The following KCP variants were observed in gnomAD, a reference collection of about 807,000 sequenced individuals.
KCP encodes kielin cysteine rich BMP regulator, also known as kielin/chordin-like protein.
In KCP, 194 loss-of-function variants were observed where a neutral mutation model predicts 212.7. The observed-to-expected ratio is 0.91, with a 90% CI of 0.81 to 1.03. KCP has a LOEUF of 1.03. Among genes scored for constraint, KCP ranks in the 50% least tolerant of loss-of-function variants. The probability of loss-of-function intolerance (pLI) is 0.00; values close to 1 mark genes in which losing one functional copy is unlikely to be tolerated. For synonymous variants in KCP, 833 were observed against 865.3 expected (o/e 0.96, Z 0.65); for missense variants, 2,080 against 2,162.5 (o/e 0.96, Z 0.76).
chr7:128,901,534 G>A (rs1794843587), intron 8 of KCP, among the ~76,000 whole-genome samples: 1 of 152,070 alleles, frequency 6.6e-6, no homozygotes, highest in African/African-American at 2.4e-5. Flanking sequence ...ACGGAGGCAG[G>A]AGAATGGCGT....
Position 128,890,771 on chromosome 7 carries a change from C to T in KCP, c.2164+134G>A, listed in dbSNP as rs918700347. 9.6e-5 allele frequency: 87 copies of T among 901,788 alleles called. No individual in the cohort carries two copies. The African/African-American group carries it at 1.4e-3, about 14-fold the overall frequency. The allele number at this position is 901,788 out of a possible 1,614,324, so 55.9% of individuals were successfully genotyped here. On this transcript the variant is annotated intron_variant, in intron 20 of 39. Coordinates refer to ENST00000610776, the MANE Select transcript of KCP (RefSeq NM_001366122.1). ...CGGCTGGCTCCCAGGCCATGCTGAC[C>T]GGACACTACATTCCTAACAAGATCC...
At chr7:128,883,233 G>A (rs977414765) in intron 29 of KCP, among the ~76,000 whole-genome samples, 4 of 151,078 alleles carry the variant, frequency 2.6e-5, no homozygotes, top group East Asian at 3.9e-4. Context: ...TCTGCCTCCC[G>A]GGTTCAAGCT....
chr7:128,880,554 C>A, intron 33 of KCP, 26 bp from the exon 34 acceptor site: 1 of 1,394,378 alleles, frequency 7.2e-7, no homozygotes. Flanking sequence ...CTGGGAGGGT[C>A]AGCTGCTCCT....
At chr7:128,883,332 G>C (rs548817764) in intron 29 of KCP, among the ~76,000 whole-genome samples, 58 of 151,990 alleles carry the variant, frequency 3.8e-4, no homozygotes, top group Non-Finnish European at 7.4e-4. Context: ...TAGAGACGGG[G>C]TTTCACCATG....
intron 2 of KCP, among the ~76,000 whole-genome samples, chr7:128,907,732 A>C (rs2128950960): frequency 6.6e-6 from 1 of 152,322 alleles, no homozygotes; most frequent in African/African-American, 2.4e-5. Context: ...CCTTATATAG[A>C]ATGCATTCCA....
intron 21 of KCP, among the ~76,000 whole-genome samples, chr7:128,889,480 A>G (rs1220206990): frequency 1.3e-5 from 2 of 152,230 alleles, no homozygotes; most frequent in Non-Finnish European, 2.9e-5. Flanking sequence ...GGGTGGTGAC[A>G]GCCCGCTCTT....
intron 1 of KCP, among the ~76,000 whole-genome samples, chr7:128,909,582 A>G (rs990197237): frequency 3.3e-5 from 5 of 152,004 alleles, no homozygotes; most frequent in Non-Finnish European, 7.4e-5. Context: ...GTTGTCCCCT[A>G]ATACATCCCC....
chr7:128,891,039 T>A lies in KCP; in HGVS notation c.2030A>T (p.Glu677Val). The A allele has an allele frequency of 4.4e-6, 6 of 1,372,382 alleles. No homozygotes were observed. Among genetic ancestry groups the A allele is most frequent in the Non-Finnish European group, 4.7e-6 (5 of 1,069,254 alleles). 85.0% of individuals were successfully genotyped at this position (1,372,382 alleles called of 1,614,324 possible). Residue 677 changes from glutamate (E) to valine (V), a missense_variant, in exon 20 of 40, where the codon GAG (glutamate) becomes GTG (valine). Coordinates refer to ENST00000610776, the MANE Select transcript of KCP (RefSeq NM_001366122.1). ...RPGAAHARHQ[E>V]YFSPPGDPCR... ...GGGATCGCCGGGCGGGGAGAAGTAC[T>A]CCTGGTGGCGGGCGTGGGCCGCGCC...
chr7:128,890,323 C>G lies in KCP; in HGVS notation c.2335+20G>C. ...TCTCCCGCATCCCACCCCGGCAGCT[C>G]CCTATCCCATGACCCTCACCATCAC... is the stretch of plus-strand genomic sequence containing the variant. On this transcript the variant is annotated intron_variant, in intron 21 of 39. Coordinates refer to ENST00000610776, the MANE Select transcript of KCP (RefSeq NM_001366122.1). The G allele has an allele frequency of 1.3e-6, 2 of 1,551,576 alleles. No individual in the cohort carries two copies. The highest frequency in any genetic ancestry group is 1.7e-6 in the Non-Finnish European group (2 of 1,146,998).
chr7:128,883,169 C>A (rs1793435488), intron 29 of KCP, among the ~76,000 whole-genome samples: 1 of 147,822 alleles, frequency 6.8e-6, no homozygotes, highest in African/African-American at 2.5e-5. Flanking sequence ...GAGACAGAAT[C>A]TCGCTCTGTT....
chr7:128,882,685 G>A (rs763006725), intron 29 of KCP, among the ~76,000 whole-genome samples: 5 of 152,086 alleles, frequency 3.3e-5, no homozygotes, highest in Admixed American at 2.6e-4. Context: ...CATTATGAAC[G>A]TATTTAATAC....
At chr7:128,886,141 C>T (rs1026387812) in intron 26 of KCP, among the ~76,000 whole-genome samples, 3 of 152,184 alleles carry the variant, frequency 2.0e-5, no homozygotes, top group Non-Finnish European at 4.4e-5. Flanking sequence ...AAATGCAGCT[C>T]ACTGCAGCCT....
Position 128,893,237 on chromosome 7 carries a change from C to A in KCP, c.1267+1G>T. 1 of 1,551,070 alleles carries A rather than the reference C, an allele frequency of 6.4e-7. No individual in the cohort carries two copies. The highest frequency in any genetic ancestry group is 1.2e-5 in the South Asian group (1 of 84,044). ...GCTGCTCCTCCCCCTCTCACACACA[C>A]CTGGGCAGAGCTGGCGGCCAGAGGC... On this transcript the variant is annotated splice_donor_variant, in intron 13 of 39. Transcript: ENST00000610776. LOFTEE classifies it high-confidence loss of function.
chr7:128,893,702 C>T, intron 11 of KCP, 104 bp downstream of exon 11: 1 of 1,275,476 alleles, frequency 7.8e-7, no homozygotes, highest in Non-Finnish European at 1.1e-6. Flanking sequence ...ACTTTGGGAA[C>T]AGGGTAACAG....
At chr7:128,884,268 C>T (rs1793509299) in intron 28 of KCP, 146 bp from the exon 29 acceptor site, 1 of 1,013,956 alleles carries the variant, frequency 9.9e-7, no homozygotes, top group Non-Finnish European at 1.4e-6. Context: ...AAGAGAGACT[C>T]AGTGTCTTCT....
At position 128,880,482 on chromosome 7, in the gene KCP, T is replaced by A; in HGVS notation, c.3663A>T (p.Gly1221=). 1 of 1,534,390 alleles carries A rather than the reference T, an allele frequency of 6.5e-7. No homozygotes were observed. The highest frequency in any genetic ancestry group is 8.8e-7 in the Non-Finnish European group (1 of 1,136,296). Reference sequence around the variant, plus strand: ...TGCAGGTGTCCACAGTCCAGCGCTCTCCAGAGGCCACCTCACGGCCCTGGT... The same window carrying A: ...TGCAGGTGTCCACAGTCCAGCGCTCACCAGAGGCCACCTCACGGCCCTGGT... The part of the protein sequence containing the change: ...CVHQGREVAS[G]ERWTVDTCTS... The change falls in exon 34 of 40, where the codon GGA becomes GGT. Residue 1221 remains glycine (G), a synonymous_variant. Coordinates refer to ENST00000610776, the MANE Select transcript of KCP (RefSeq NM_001366122.1).
intron 2 of KCP, 120 bp downstream of exon 2, chr7:128,908,284 AAGAAAGAAAGAAAGAAAGAAAG>A: frequency 1.7e-6 from 1 of 572,106 alleles, no homozygotes; most frequent in Non-Finnish European, 2.6e-6. Context: ...GAAAGAAAGA[AAGAAAGAAAGAAAGAAAGAAAG>A]GGAATTGTTC....
chr7:128,885,465 G>C (rs1489101800), intron 26 of KCP, among the ~76,000 whole-genome samples, 195 bp from the exon 27 acceptor site: 2 of 152,186 alleles, frequency 1.3e-5, no homozygotes, highest in Non-Finnish European at 2.9e-5. Context: ...AGAACACCTG[G>C]GTTCTAATCC....
At position 128,879,538 on chromosome 7, in the gene KCP, G is replaced by A. The variant is rs758003669; in HGVS notation, c.4130C>T (p.Ala1377Val). 9 of 1,549,828 alleles carry A rather than the reference G, an allele frequency of 5.8e-6. No individual in the cohort carries two copies. The South Asian group carries it at 7.1e-5, about 12-fold the overall frequency. Residue 1377 changes from alanine to valine, a missense_variant, in exon 37 of 40, where the codon GCC (alanine) becomes GTC (valine). Physicochemically the swap from Ala to Val is moderately conservative, Grantham distance 64. Coordinates refer to ENST00000610776, the MANE Select transcript of KCP (RefSeq NM_001366122.1). ...ELRGHTVILH[A>V]QPGLQVLWDG... Reference sequence around the variant, plus strand: ...GAGCCGCACCTGGAGCCCGGGCTGGGCGTGCAGGATCACAGTGTGTCCTCG... The same window carrying A: ...GAGCCGCACCTGGAGCCCGGGCTGGACGTGCAGGATCACAGTGTGTCCTCG...
Sources: gnomAD v4.1 joint callset for allele counts (sites outside exome capture counted in the v4.1 genomes callset) on GRCh38, gnomAD v4.1.1 for gene constraint, MANE v1.5 for transcripts, NCBI Gene and HGNC (gene_info 2026-07-23, HGNC 2026-07-21) for gene names.